TNFAIP3: variants seen among roughly 807,000 people sequenced by gnomAD.
The protein encoded by TNFAIP3 is tumor necrosis factor alpha-induced protein 3.
TNFAIP3 carries 9 observed loss-of-function variants against 72.4 expected under a neutral mutation model. That is an observed-to-expected ratio of 0.12 (90% CI 0.07 to 0.22). TNFAIP3 has a LOEUF of 0.22. TNFAIP3 is among the 10% of genes least tolerant of loss of function. The pLI is 1.00. For missense variants in TNFAIP3, 833 were observed against 1,018.7 expected, an observed-to-expected ratio of 0.82 and a Z score of 2.48; for synonymous variants, 339 against 372.6, an observed-to-expected ratio of 0.91 and a Z score of 1.04.
At chr6:137,880,320 C>T (rs924033686) in intron 8 of TNFAIP3, 68 bp downstream of exon 8, 1 of 1,536,526 alleles carries the variant, frequency 6.5e-7, no homozygotes, top group Non-Finnish European at 8.9e-7. Context: ...GCGTTTTCTA[C>T]CGACAGTGAC....
intron 1 of TNFAIP3, chr6:137,868,304 T>A (rs993758758): frequency 3.9e-5 from 6 of 152,368 alleles, no homozygotes; most frequent in Non-Finnish European, 7.3e-5. Context: ...GCCTCAGATC[T>A]TCTTGCCTTG....
rs1391384420 is a variant in TNFAIP3 at position 137,877,268 on chromosome 6, A to G, written c.986+12A>G. ...ATCAATGCCGCAAAGTAAGCAGTTT[A>G]TGTTCAGCTCTCTCCTGTGTCATCT... On this transcript the variant is annotated intron_variant, in intron 6 of 8. Transcript: ENST00000612899. 1.2e-6 allele frequency: 2 copies of G among 1,602,040 alleles called. No homozygotes were observed. Among genetic ancestry groups the G allele is most frequent in the Non-Finnish European group, 1.7e-6 (2 of 1,174,172 alleles).
Position 137,882,866 on chromosome 6 carries a change from G to GAA in TNFAIP3, c.*1558_*1559dup, listed in dbSNP as rs886113499. 41 of 193,088 alleles carry GAA rather than the reference G, an allele frequency of 2.1e-4. No individual in the cohort carries two copies. The highest frequency in any genetic ancestry group is 4.7e-4 in the East Asian group (6 of 12,884). The allele number at this position is 193,088 out of a possible 1,614,324, so 12.0% of individuals were successfully genotyped here. On this transcript the variant is annotated 3_prime_UTR_variant, in exon 9 of 9. Transcript: ENST00000612899. The stretch of plus-strand genomic sequence containing the variant: ...GGTTGCTGTCATATTTGCTCTAGAA[G>GAA]AAAAAAAAAAAAGGAGGGGAAATGC...
chr6:137,878,456 A>G lies in TNFAIP3; in HGVS notation c.1011A>G (p.Lys337=). The change falls in exon 7 of 9, where the codon AAA becomes AAG. Residue 337 remains lysine, a synonymous_variant. Transcript: ENST00000612899. ...AAKLDEANLP[K]EINLVDDYFE... ...GGTTGGATGAAGCTAACTTACCAAA[A>G]GAAATCAATCTGGTAGATGATTACT... 1.2e-6 allele frequency: 2 copies of G among 1,608,708 alleles called. No homozygotes were observed. The highest frequency in any genetic ancestry group is 1.7e-6 in the Non-Finnish European group (2 of 1,175,508).
At position 137,882,764 on chromosome 6, in the gene TNFAIP3, G is replaced by A. The variant is rs747980904; in HGVS notation, c.*1445G>A. On this transcript the variant is annotated 3_prime_UTR_variant, in exon 9 of 9. Coordinates refer to ENST00000612899, the MANE Select transcript of TNFAIP3 (RefSeq NM_001270508.2). Reference sequence around the variant, plus strand: ...GCATCCCATGGTACCCTGGTATTGGGACAGCAAAAGCCAGTAACCATGAGT... The same window carrying A: ...GCATCCCATGGTACCCTGGTATTGGAACAGCAAAAGCCAGTAACCATGAGT... 1 of 232,004 alleles carries A rather than the reference G, an allele frequency of 4.3e-6. No individual in the cohort carries two copies. Among genetic ancestry groups the A allele is most frequent in the Non-Finnish European group, 8.5e-6 (1 of 117,294 alleles). The allele number at this position is 232,004 out of a possible 1,614,324, so 14.4% of individuals were successfully genotyped here.
chr6:137,879,422 A>G, intron 7 of TNFAIP3, 71 bp downstream of exon 7: 3 of 1,505,460 alleles, frequency 2.0e-6, no homozygotes, highest in Non-Finnish European at 2.7e-6. Flanking sequence ...GACCTTTAAG[A>G]AAAAAAGCCC....
chr6:137,880,035 C>G (rs1776392927), intron 7 of TNFAIP3, 36 bp from the exon 8 acceptor site: 1 of 1,604,346 alleles, frequency 6.2e-7, no homozygotes, highest in Non-Finnish European at 8.5e-7. Flanking sequence ...TGGGGTGACC[C>G]CTATGTGGTA....
Position 137,880,311 on chromosome 6 carries a change from C to T in TNFAIP3, c.2088+59C>T, listed in dbSNP as rs1163579501. On this transcript the variant is annotated intron_variant, in intron 8 of 8. Coordinates refer to ENST00000612899, the MANE Select transcript of TNFAIP3 (RefSeq NM_001270508.2). ...GTGTGTTCGATGCTTTTTGCTGGAG[C>T]GTTTTCTACCGACAGTGACAAGCAG... The T allele has an allele frequency of 1.9e-5, 30 of 1,566,596 alleles. No individual in the cohort carries two copies. The Admixed American group carries it at 2.7e-4, about 14-fold the overall frequency.
rs1170624868 is a variant in TNFAIP3, at chr6:137,871,291, C to T, written c.64C>T (p.Arg22Trp). ...CAATATGCGGAAAGCTGTGAAGATACGGGAGAGAACTCCAGAAGACATTTT... is the reference window on the plus strand; with the variant it reads ...CAATATGCGGAAAGCTGTGAAGATATGGGAGAGAACTCCAGAAGACATTTT... ...LSNMRKAVKI[R>W]ERTPEDIFKP... The change falls in exon 2 of 9, where the codon CGG becomes TGG. Residue 22 changes from arginine to tryptophan, a missense_variant. Arg to Trp is a moderately radical substitution (Grantham distance 101). This residue lies in a region of TNFAIP3 where 246 missense variants were observed against 360.9 expected (regional missense o/e 0.68). Coordinates refer to ENST00000612899, the MANE Select transcript of TNFAIP3 (RefSeq NM_001270508.2). This position sits in a 1 kb window ranked among gnomAD's most constrained non-coding sequence, Gnocchi z 4.2. The T allele has an allele frequency of 3.1e-6, 5 of 1,613,876 alleles. No individual in the cohort carries two copies. Among genetic ancestry groups the T allele is most frequent in the East Asian group, 2.2e-5 (1 of 44,878 alleles).
rs1303885847 is a variant in TNFAIP3, at chr6:137,881,115, C to T, written c.2169C>T (p.Asn723=). ...AGTGCGCCCGGGCCTCCTGCAAGAACATCCTGGCCTGCCGCAGCGAGGAGC... is the reference window on the plus strand; with the variant it reads ...AGTGCGCCCGGGCCTCCTGCAAGAATATCCTGGCCTGCCGCAGCGAGGAGC... ...RPKCARASCK[N]ILACRSEELC... Residue 723 remains asparagine, a synonymous_variant, in exon 9 of 9, where the codon AAC becomes AAT. Transcript: ENST00000612899. The surrounding 1 kb of genome is among the most constrained non-coding windows in gnomAD (Gnocchi z 5.0). The T allele has an allele frequency of 1.9e-6, 3 of 1,613,986 alleles. No individual in the cohort carries two copies. Among genetic ancestry groups the T allele is most frequent in the Admixed American group, 1.7e-5 (1 of 60,022 alleles).
At chr6:137,868,773 C>G (rs1775929984) in intron 1 of TNFAIP3, among the ~76,000 whole-genome samples, 2 of 151,646 alleles carry the variant, frequency 1.3e-5, no homozygotes, top group Non-Finnish European at 2.9e-5. Flanking sequence ...GTTCTTTAAT[C>G]TTAAGCGTAG....
Position 137,877,111 on chromosome 6 carries a change from G to C in TNFAIP3, c.841G>C (p.Gly281Arg). The C allele has an allele frequency of 2.5e-6, 4 of 1,612,052 alleles. No individual in the cohort carries two copies. Among genetic ancestry groups the C allele is most frequent in the Non-Finnish European group, 3.4e-6 (4 of 1,179,062 alleles). The part of the protein sequence containing the change: ...RAVPLVNRDR[G>R]RFEDLKVHFL... ...TGTTCCACTTGTTAACAGAGACCGG[G>C]GAAGATTTGAAGACTTAAAAGTTCA... The change falls in exon 6 of 9, where the codon GGA becomes CGA. Residue 281 changes from glycine (G) to arginine (R), a missense_variant. By Grantham distance (125) the Gly-to-Arg change is moderately radical (BLOSUM62 -2). Around this residue, in one of 2 missense-constraint regions of TNFAIP3, gnomAD observed 246 missense variants for 360.9 expected, o/e 0.68. Transcript: ENST00000612899.
intron 1 of TNFAIP3, among the ~76,000 whole-genome samples, chr6:137,869,341 G>GGATA (rs1775962531): frequency 6.2e-5 from 8 of 128,812 alleles, no homozygotes; most frequent in African/African-American, 1.8e-4. Flanking sequence ...ATGGATAGAT[G>GGATA]GATGGATGGA....
At chr6:137,879,689 A>G (rs1776383048) in intron 7 of TNFAIP3, among the ~76,000 whole-genome samples, 1 of 152,268 alleles carries the variant, frequency 6.6e-6, no homozygotes, top group Admixed American at 6.5e-5. Context: ...CAACTTAGAT[A>G]TAACAGAACA....
intron 2 of TNFAIP3, among the ~76,000 whole-genome samples, chr6:137,874,214 G>A (rs903607192): frequency 1.3e-5 from 2 of 152,178 alleles, no homozygotes; most frequent in Admixed American, 6.5e-5. Flanking sequence ...GTTTGCATAA[G>A]GCATTTTTGA....
Position 137,871,124 on chromosome 6 carries a change from A to G in TNFAIP3, c.-15-89A>G, listed in dbSNP as rs1487230513. On this transcript the variant is annotated intron_variant, in intron 1 of 8. Coordinates refer to ENST00000612899, the MANE Select transcript of TNFAIP3 (RefSeq NM_001270508.2). The surrounding 1 kb of genome is among the most constrained non-coding windows in gnomAD (Gnocchi z 4.2). ...ACAGATCAGGGTAATGACAAGATCA[A>G]ACACTGGGGTTTCCTGCAGGCAGCT... The G allele has an allele frequency of 1.8e-5, 23 of 1,274,298 alleles. No individual in the cohort carries two copies. Among genetic ancestry groups the G allele is most frequent in the Non-Finnish European group, 2.5e-5 (23 of 928,464 alleles). 78.9% of individuals were successfully genotyped at this position (1,274,298 alleles called of 1,614,324 possible).
At chr6:137,874,781 CT>C (rs1754794278) in intron 2 of TNFAIP3, 63 bp from the exon 3 acceptor site, 1 of 1,535,870 alleles carries the variant, frequency 6.5e-7, no homozygotes, top group Non-Finnish European at 8.8e-7. Flanking sequence ...TTCTGAAAAC[CT>C]TTGCTGGGTC....
In TNFAIP3 at chr6:137,876,120, C is replaced by A. The variant is rs565804696; in HGVS notation, c.759C>A (p.Asp253Glu). The A allele has an allele frequency of 5.6e-6, 9 of 1,614,180 alleles. No homozygotes were observed. The South Asian group carries it at 8.8e-5, about 16-fold the overall frequency. Reference protein sequence around the residue: ...CYRYPIVLGYDSHHFVPLVTL... With the variant: ...CYRYPIVLGYESHHFVPLVTL... ...GATACCCCATTGTTCTCGGCTATGA[C>A]AGCCATCATTTTGTACCCTTGGTGA... is the stretch of plus-strand genomic sequence containing the variant. Residue 253 changes from aspartate (D) to glutamate (E), a missense_variant, in exon 5 of 9, where the codon GAC becomes GAA. Asp to Glu is a conservative substitution (Grantham distance 45, BLOSUM62 2). This residue lies in a region of TNFAIP3 where 246 missense variants were observed against 360.9 expected (regional missense o/e 0.68). Transcript: ENST00000612899.
chr6:137,871,106 A>G lies in TNFAIP3; in HGVS notation c.-15-107A>G. On this transcript the variant is annotated intron_variant, in intron 1 of 8. Transcript: ENST00000612899. The surrounding 1 kb of genome is among the most constrained non-coding windows in gnomAD (Gnocchi z 4.2). Reference sequence around the variant, plus strand: ...TGCTAAGATCTTTTGCCTACAGATCAGGGTAATGACAAGATCAAACACTGG... The same window carrying G: ...TGCTAAGATCTTTTGCCTACAGATCGGGGTAATGACAAGATCAAACACTGG... 6 of 1,032,810 alleles carry G rather than the reference A, an allele frequency of 5.8e-6. No individual in the cohort carries two copies. Among genetic ancestry groups the G allele is most frequent in the Admixed American group, 2.7e-5 (1 of 37,422 alleles). The allele number at this position is 1,032,810 out of a possible 1,614,324, so 64.0% of individuals were successfully genotyped here.
Sources: allele counts gnomAD v4.1 joint callset (sites outside exome capture counted in the v4.1 genomes callset), GRCh38; gene constraint gnomAD v4.1.1; regional missense constraint gnomAD v4.1.1; non-coding constraint Gnocchi (gnomAD v3.1); transcripts MANE v1.5; gene names NCBI Gene and HGNC (gene_info 2026-07-23, HGNC 2026-07-21).